VWA8: variants seen among roughly 807,000 people sequenced by gnomAD.
The protein encoded by VWA8 is von Willebrand factor A domain containing 8, also known as von Willebrand factor A domain-containing protein 8.
A neutral mutation model predicts 241.5 loss-of-function variants in VWA8; 221 were observed. The observed-to-expected ratio is 0.91, with a 90% CI of 0.82 to 1.02. The LOEUF (loss-of-function observed/expected upper bound fraction) is 1.02, where lower values mean the gene tolerates loss of function less well. Ranked by LOEUF, VWA8 falls within the 50% of genes least tolerant of loss-of-function variation. VWA8 has a pLI of 0.00. For missense variants in VWA8, 2,322 were observed against 2,328.7 expected (o/e 1.00, Z 0.06); for synonymous variants, 852 against 827.1 (o/e 1.03, Z -0.52).
chr13:41,618,670 T>A (rs990514768), intron 37 of VWA8, among the ~76,000 whole-genome samples: 5 of 152,200 alleles, frequency 3.3e-5, no homozygotes, highest in African/African-American at 4.8e-5. Flanking sequence ...AAGAAAGGGA[T>A]CCAGTTTCAG....
chr13:41,598,783 T>C (rs1269691048), intron 40 of VWA8, among the ~76,000 whole-genome samples: 1 of 152,014 alleles, frequency 6.6e-6, no homozygotes, highest in Admixed American at 6.6e-5. Context: ...AATTTTTCTT[T>C]CTCTGACAAT....
chr13:41,780,354 C>T (rs1339503391), intron 19 of VWA8, among the ~76,000 whole-genome samples: 1 of 152,186 alleles, frequency 6.6e-6, no homozygotes, highest in East Asian at 1.9e-4. Flanking sequence ...TGTTATTCCC[C>T]AGTCACCTAA....
chr13:41,863,433 G>GTATA (rs201997688), intron 12 of VWA8, among the ~76,000 whole-genome samples: 3 of 69,812 alleles, frequency 4.3e-5, no homozygotes, highest in Non-Finnish European at 5.8e-5. Context: ...GTGTGTGTGT[G>GTATA]TATATATATA....
intron 16 of VWA8, among the ~76,000 whole-genome samples, chr13:41,814,967 A>G (rs945529478): frequency 1.3e-5 from 2 of 152,220 alleles, no homozygotes; most frequent in African/African-American, 4.8e-5. Flanking sequence ...GAAGCCCTAT[A>G]AAGAATCTTA....
intron 12 of VWA8, among the ~76,000 whole-genome samples, chr13:41,847,972 A>G (rs1217622849): frequency 6.6e-6 from 1 of 152,236 alleles, no homozygotes; most frequent in Non-Finnish European, 1.5e-5. Flanking sequence ...ATTTTCCACC[A>G]AAGGCTCAAT....
intron 12 of VWA8, among the ~76,000 whole-genome samples, chr13:41,844,210 C>T (rs574625222): frequency 2.0e-5 from 3 of 152,242 alleles, no homozygotes; most frequent in East Asian, 3.9e-4. Flanking sequence ...ATGATCACCA[C>T]ATAAACAGAA....
intron 43 of VWA8, among the ~76,000 whole-genome samples, chr13:41,571,988 T>C (rs954005927): frequency 1.3e-4 from 20 of 151,838 alleles, no homozygotes; most frequent in Non-Finnish European, 4.4e-5. Context: ...GGAATGCCTC[T>C]GCCCGGTGGC....
At chr13:41,782,907 G>A (rs1016509791) in intron 19 of VWA8, among the ~76,000 whole-genome samples, 25 of 151,412 alleles carry the variant, frequency 1.7e-4, no homozygotes, top group Non-Finnish European at 4.4e-5. Flanking sequence ...ATATGTCTTA[G>A]TGGAAGGTCC....
chr13:41,727,342 T>C, intron 23 of VWA8, 29 bp from the exon 24 acceptor site: 1 of 1,321,554 alleles, frequency 7.6e-7, no homozygotes, highest in Non-Finnish European at 1.0e-6. Context: ...TTATTCTTTA[T>C]CAATATTTAA....
chr13:41,639,758 G>A (rs899081084), intron 37 of VWA8, among the ~76,000 whole-genome samples: 4 of 152,178 alleles, frequency 2.6e-5, no homozygotes, highest in African/African-American at 9.7e-5. Context: ...AGACGATGGA[G>A]CCTACTTGAG....
Position 41,675,237 on chromosome 13 carries a change from GTTTC to G in VWA8, c.4383_4386del (p.Lys1461AsnfsTer67), listed in dbSNP as rs1320026612. The stretch of plus-strand genomic sequence containing the variant: ...TACCTGGGAATAGGGATATATCGGA[GTTTC>G]TTTGATTGAAGATCAGTGACTTCTA... On this transcript the variant is annotated frameshift_variant, in exon 36 of 45. Transcript: ENST00000379310. LOFTEE classifies it high-confidence loss of function. The G allele has an allele frequency of 6.2e-7, 1 of 1,612,600 alleles. No homozygotes were observed. Among genetic ancestry groups the G allele is most frequent in the East Asian group, 2.2e-5 (1 of 44,808 alleles).
chr13:41,756,216 T>C (rs982543049), intron 21 of VWA8, among the ~76,000 whole-genome samples: 4 of 151,772 alleles, frequency 2.6e-5, no homozygotes, highest in Non-Finnish European at 4.4e-5. Flanking sequence ...ACAACATTTA[T>C]CAAAGCTTCT....
intron 26 of VWA8, among the ~76,000 whole-genome samples, chr13:41,712,728 T>C (rs2045326333): frequency 6.6e-6 from 1 of 152,246 alleles, no homozygotes; most frequent in Non-Finnish European, 1.5e-5. Flanking sequence ...GTAGAATTTA[T>C]TTAAGGTCTC....
intron 2 of VWA8, among the ~76,000 whole-genome samples, chr13:41,925,290 T>G (rs140775117): frequency 6.2e-4 from 94 of 152,292 alleles, no homozygotes; most frequent in Non-Finnish European, 9.1e-4. Flanking sequence ...AATAAAAGAA[T>G]GGTCATTAAT....
chr13:41,919,678 G>A (rs1876422274), intron 2 of VWA8, among the ~76,000 whole-genome samples: 1 of 152,082 alleles, frequency 6.6e-6, no homozygotes, highest in African/African-American at 2.4e-5. Context: ...GGCCTGAGCT[G>A]AAGTGATGCT....
intron 37 of VWA8, among the ~76,000 whole-genome samples, chr13:41,629,105 C>CT (rs200277914): frequency 0.031 from 4,785 of 152,030 alleles, 77 homozygotes; most frequent in South Asian, 0.063. Context: ...ACACCAGGGC[C>CT]AACTGAGGGT....
At chr13:41,657,726 T>G (rs1377340552) in intron 37 of VWA8, among the ~76,000 whole-genome samples, 3 of 151,714 alleles carry the variant, frequency 2.0e-5, no homozygotes, top group African/African-American at 7.3e-5. Flanking sequence ...CCTGACCTCA[T>G]GATCTACCCG....
intron 37 of VWA8, among the ~76,000 whole-genome samples, chr13:41,662,640 TTTTA>T (rs1334350281): frequency 6.6e-6 from 1 of 151,862 alleles, no homozygotes; most frequent in Non-Finnish European, 1.5e-5. Context: ...TCTGGATATC[TTTTA>T]TTTATTTTTC....
chr13:41,852,440 A>G (rs1872564654), intron 12 of VWA8, among the ~76,000 whole-genome samples: 1 of 152,002 alleles, frequency 6.6e-6, no homozygotes, highest in Non-Finnish European at 1.5e-5. Context: ...TTTAAGTTTG[A>G]TGCATTTATC....
Sources: allele counts gnomAD v4.1 joint callset (sites outside exome capture counted in the v4.1 genomes callset), GRCh38; gene constraint gnomAD v4.1.1; transcripts MANE v1.5; gene names NCBI Gene and HGNC (gene_info 2026-07-23, HGNC 2026-07-21).